Variants in CAMK1D observed in about 807,000 individuals in gnomAD.
CAMK1D encodes calcium/calmodulin-dependent protein kinase type 1D.
Under a neutral mutation model 47.7 loss-of-function variants are expected in CAMK1D, and 9 were observed. The observed-to-expected ratio is 0.19, with a 90% CI of 0.11 to 0.33. The LOEUF (loss-of-function observed/expected upper bound fraction) is 0.33. CAMK1D is among the 10% of genes least tolerant of loss of function. The pLI is 1.00. For missense variants in CAMK1D, 291 were observed against 488.7 expected (o/e 0.60, Z 3.81); for synonymous variants, 184 against 184.9 (o/e 0.99, Z 0.04).
At chr10:12,721,694 C>T (rs1293309902) in intron 3 of CAMK1D, among the ~76,000 whole-genome samples, 1 of 152,182 alleles carries the variant, frequency 6.6e-6, no homozygotes, top group Non-Finnish European at 1.5e-5. Context: ...GTAACAGGTA[C>T]ACACATGCAT....
chr10:12,759,925 C>G (rs1836421055), intron 3 of CAMK1D, among the ~76,000 whole-genome samples: 2 of 152,124 alleles, frequency 1.3e-5, no homozygotes, highest in African/African-American at 4.8e-5. Flanking sequence ...TCTGTGAAAG[C>G]TTTAAGGGTT....
In CAMK1D at chr10:12,395,802, C is replaced by T. The variant is rs929685183; in HGVS notation, c.92+45892C>T. Among the ~76,000 whole-genome samples, 13 of 151,722 alleles carry T rather than the reference C, an allele frequency of 8.6e-5. No individual in the cohort carries two copies. The East Asian group carries it at 1.2e-3, about 14-fold the overall frequency. On this transcript the variant is annotated intron_variant, in intron 1 of 10. Transcript: ENST00000619168. ...ATTAGCCGGGCATGGTGGTGCGTGC[C>T]GGTAGTTCCAGCTACTTAGGAGGCT...
intron 3 of CAMK1D, among the ~76,000 whole-genome samples, chr10:12,670,126 C>CTTTTTT (rs58173311): frequency 4.5e-5 from 4 of 88,210 alleles, no homozygotes; most frequent in Non-Finnish European, 9.2e-5. Context: ...TACCGTTTTG[C>CTTTTTT]TTTTTTTTTT....
At chr10:12,402,985 C>T (rs1473000009) in intron 1 of CAMK1D, among the ~76,000 whole-genome samples, 1 of 152,010 alleles carries the variant, frequency 6.6e-6, no homozygotes, top group Non-Finnish European at 1.5e-5. Context: ...AGAAATACGG[C>T]TCCAGGATTA....
At chr10:12,723,727 G>A (rs1834494426) in intron 3 of CAMK1D, among the ~76,000 whole-genome samples, 1 of 152,048 alleles carries the variant, frequency 6.6e-6, no homozygotes, top group African/African-American at 2.4e-5. Context: ...TCTATTAGCA[G>A]GTTTTGTTGT....
At chr10:12,494,947 T>C (rs1002925927) in intron 1 of CAMK1D, among the ~76,000 whole-genome samples, 7 of 152,192 alleles carry the variant, frequency 4.6e-5, no homozygotes, top group African/African-American at 1.7e-4. Flanking sequence ...GTTTTGGATT[T>C]GAGATCTAGT....
At chr10:12,815,675 C>A (rs1832764191) in intron 7 of CAMK1D, among the ~76,000 whole-genome samples, 1 of 152,226 alleles carries the variant, frequency 6.6e-6, no homozygotes, top group African/African-American at 2.4e-5. Flanking sequence ...CTGGGCCATC[C>A]CCTCTCCTGG....
intron 1 of CAMK1D, among the ~76,000 whole-genome samples, chr10:12,437,661 C>T (rs1022170440): frequency 4.6e-5 from 7 of 152,142 alleles, no homozygotes; most frequent in East Asian, 1.9e-4. Context: ...CACAATGACA[C>T]GTCACCATCA....
intron 1 of CAMK1D, among the ~76,000 whole-genome samples, chr10:12,430,445 C>T (rs927350071): frequency 2.6e-5 from 4 of 152,176 alleles, no homozygotes; most frequent in Non-Finnish European, 5.9e-5. Context: ...CAGTGTGCTT[C>T]AGAACATCTA....
intron 2 of CAMK1D, among the ~76,000 whole-genome samples, chr10:12,664,675 G>A (rs1176912163): frequency 1.3e-5 from 2 of 152,170 alleles, no homozygotes; most frequent in Non-Finnish European, 2.9e-5. Flanking sequence ...GATTTAGCAC[G>A]TGAAAATACA....
At chr10:12,604,927 G>A (rs939550053) in intron 2 of CAMK1D, among the ~76,000 whole-genome samples, 3 of 149,248 alleles carry the variant, frequency 2.0e-5, no homozygotes, top group African/African-American at 5.0e-5. Flanking sequence ...TCACTCTGTC[G>A]CCCAGGCTGG....
chr10:12,513,427 C>T (rs749622576), intron 1 of CAMK1D, among the ~76,000 whole-genome samples: 19 of 152,016 alleles, frequency 1.2e-4, no homozygotes, highest in Non-Finnish European at 2.1e-4. Context: ...GTGCAGTGGG[C>T]CTATAAAGTA....
At chr10:12,537,259 A>T (rs1836004960) in intron 1 of CAMK1D, among the ~76,000 whole-genome samples, 1 of 152,146 alleles carries the variant, frequency 6.6e-6, no homozygotes, top group South Asian at 2.1e-4. Context: ...TTTAGTAGAG[A>T]CAGGGTTTTG....
At chr10:12,652,268 A>G (rs1328802330) in intron 2 of CAMK1D, among the ~76,000 whole-genome samples, 1 of 151,714 alleles carries the variant, frequency 6.6e-6, no homozygotes, top group African/African-American at 2.4e-5. Flanking sequence ...ACTTTTTAGT[A>G]GGAGAGTCTT....
chr10:12,490,611 G>A (rs1834354533), intron 1 of CAMK1D, among the ~76,000 whole-genome samples: 1 of 152,194 alleles, frequency 6.6e-6, no homozygotes, highest in African/African-American at 2.4e-5. Context: ...CACTTTGGGA[G>A]GCCGAGGTGG....
At chr10:12,622,886 G>C (rs1250990329) in intron 2 of CAMK1D, among the ~76,000 whole-genome samples, 1 of 151,954 alleles carries the variant, frequency 6.6e-6, no homozygotes. Flanking sequence ...AGAGAACTCG[G>C]CCCACAACAG....
intron 3 of CAMK1D, among the ~76,000 whole-genome samples, chr10:12,703,077 T>C (rs1448355997): frequency 1.3e-5 from 2 of 152,230 alleles, no homozygotes; most frequent in Non-Finnish European, 2.9e-5. Context: ...TGATTGTTTT[T>C]GTTGTTTTTC....
intron 3 of CAMK1D, among the ~76,000 whole-genome samples, chr10:12,682,306 T>G (rs1187647166): frequency 2.6e-5 from 4 of 152,210 alleles, no homozygotes; most frequent in African/African-American, 7.2e-5. Flanking sequence ...GGCGCCCCTA[T>G]TTTTAATTGG....
intron 3 of CAMK1D, among the ~76,000 whole-genome samples, chr10:12,753,784 G>A (rs931182611): frequency 2.0e-5 from 3 of 152,194 alleles, no homozygotes; most frequent in African/African-American, 7.2e-5. Flanking sequence ...AGTGAGTTCT[G>A]GCTGCTTTCA....
Sources: allele counts gnomAD v4.1 joint callset (sites outside exome capture counted in the v4.1 genomes callset), GRCh38; gene constraint gnomAD v4.1.1; transcripts MANE v1.5; gene names NCBI Gene and HGNC (gene_info 2026-07-23, HGNC 2026-07-21).